The following SYNGR4 variants were observed in gnomAD, a reference collection of about 807,000 sequenced individuals.
SYNGR4 encodes the protein synaptogyrin 4.
In SYNGR4, 15 loss-of-function variants were observed where a neutral mutation model predicts 15.5. That is an observed-to-expected ratio of 0.97 (90% confidence interval 0.65 to 1.49). The LOEUF is 1.49. Ranked by LOEUF, SYNGR4 falls within the 40% of genes most tolerant of loss-of-function variation. SYNGR4 has a pLI of 0.00. For missense variants in SYNGR4, 292 were observed against 299.3 expected, an observed-to-expected ratio of 0.98 and a Z score of 0.18; for synonymous variants, 121 against 127.4, an observed-to-expected ratio of 0.95 and a Z score of 0.34.
intron 2 of SYNGR4, among the ~76,000 whole-genome samples, chr19:48,368,733 T>C (rs1055044251): frequency 6.6e-6 from 1 of 152,160 alleles, no homozygotes; most frequent in Non-Finnish European, 1.5e-5. Flanking sequence ...GGAGAGGGCC[T>C]AGGATGATTG....
Position 48,376,357 on chromosome 19 carries a change from C to T in SYNGR4, c.*39C>T. On this transcript the variant is annotated 3_prime_UTR_variant, in exon 5 of 5. Transcript: ENST00000344846. ...AATCAATAAAGAGAGAATCCTCCCT[C>T]CAGAAGGGTTTCTAAAAACAGCCCT... is the stretch of plus-strand genomic sequence containing the variant. The T allele has an allele frequency of 6.3e-7, 1 of 1,597,554 alleles. No homozygotes were observed. The highest frequency in any genetic ancestry group is 8.5e-7 in the Non-Finnish European group (1 of 1,173,436).
chr19:48,376,094 G>T lies in SYNGR4; in HGVS notation c.481G>T (p.Ala161Ser). 1 of 1,614,054 alleles carries T rather than the reference G, an allele frequency of 6.2e-7. No homozygotes were observed. The change falls in exon 5 of 5, where the codon GCC becomes TCC. Residue 161 changes from alanine to serine, a missense_variant. By Grantham distance (99) the Ala-to-Ser change is moderately conservative. Transcript: ENST00000344846. The stretch of plus-strand genomic sequence containing the variant: ...GCTTTTCTGCCCACAGATATTCCAG[G>T]CCTACCTGGCATTCCAGGACCTCCG... ...FFSILVWIFQ[A>S]YLAFQDLRND...
chr19:48,366,169 T>A (rs1270197543), intron 2 of SYNGR4, among the ~76,000 whole-genome samples: 1 of 152,174 alleles, frequency 6.6e-6, no homozygotes, highest in Non-Finnish European at 1.5e-5. Context: ...GTGCTGCAAG[T>A]CCCATCTCTG....
chr19:48,365,989 C>T, intron 2 of SYNGR4, 54 bp downstream of exon 2: 3 of 1,578,840 alleles, frequency 1.9e-6, no homozygotes, highest in Non-Finnish European at 2.6e-6. Flanking sequence ...GCCAGGAGCT[C>T]TCAACTCCCA....
Position 48,376,160 on chromosome 19 carries a change from G to A in SYNGR4, c.547G>A (p.Gly183Ser). 1 of 1,614,072 alleles carries A rather than the reference G, an allele frequency of 6.2e-7. No individual in the cohort carries two copies. Among genetic ancestry groups the A allele is most frequent in the Non-Finnish European group, 8.5e-7 (1 of 1,180,008 alleles). ...PVPYKRFLDE[G>S]GMVLTTLPLP... is the part of the protein sequence containing the mutation. ...CCCTTACAAGCGCTTCCTGGATGAG[G>A]GTGGCATGGTGCTGACCACCCTCCC... The change falls in exon 5 of 5, where the codon GGT becomes AGT. Residue 183 changes from glycine (G) to serine (S), a missense_variant. By Grantham distance (56) the Gly-to-Ser change is moderately conservative (BLOSUM62 0). Transcript: ENST00000344846.
In SYNGR4 at chr19:48,376,199, A is replaced by G; in HGVS notation, c.586A>G (p.Asn196Asp). The G allele has an allele frequency of 6.2e-7, 1 of 1,614,138 alleles. No homozygotes were observed. The highest frequency in any genetic ancestry group is 1.1e-5 in the South Asian group (1 of 91,086). The change falls in exon 5 of 5, where the codon AAC becomes GAC. Residue 196 changes from asparagine to aspartate, a missense_variant. Physicochemically the swap from Asn to Asp is conservative, Grantham distance 23. Coordinates refer to ENST00000344846, the MANE Select transcript of SYNGR4 (RefSeq NM_012451.4). ...VLTTLPLPSA[N>D]SPVNMPTTGP... ...GACCACCCTCCCCTTGCCCTCTGCC[A>G]ACAGCCCTGTGAACATGCCCACCAC... is the stretch of plus-strand genomic sequence containing the variant.
intron 1 of SYNGR4, among the ~76,000 whole-genome samples, chr19:48,364,883 G>T (rs1282851720): frequency 1.3e-5 from 2 of 151,814 alleles, no homozygotes; most frequent in African/African-American, 4.8e-5. Context: ...CAGCTCCTGG[G>T]TCACAAGACG....
At chr19:48,373,424 CTG>C (rs972198081) in intron 2 of SYNGR4, 91 bp from the exon 3 acceptor site, 5 of 1,067,448 alleles carry the variant, frequency 4.7e-6, no homozygotes, top group Non-Finnish European at 7.1e-6. Context: ...GGACCAGTGA[CTG>C]GGTATACGGA....
In SYNGR4 at chr19:48,376,048, C is replaced by A. The variant is rs372615862; in HGVS notation, c.472-37C>A. The A allele has an allele frequency of 3.7e-6, 6 of 1,613,956 alleles. No individual in the cohort carries two copies. In the East Asian group the frequency reaches 1.3e-4, roughly 36 times the overall value. On this transcript the variant is annotated intron_variant, in intron 4 of 4. Coordinates refer to ENST00000344846, the MANE Select transcript of SYNGR4 (RefSeq NM_012451.4). ...CAGTCCCTCTCCTGACCTGCCCAGC[C>A]CAAGTCAGCCTTCAGCACGCGCTTT...
intron 3 of SYNGR4, among the ~76,000 whole-genome samples, chr19:48,374,032 C>T (rs1033792451): frequency 6.6e-6 from 1 of 151,946 alleles, no homozygotes; most frequent in African/African-American, 2.4e-5. Context: ...CCTTCTGCCC[C>T]GTGCCTTCTT....
chr19:48,373,567 C>T lies in SYNGR4; in HGVS notation c.144C>T (p.Asn48=), dbSNP rs2147409307. Residue 48 remains asparagine, a synonymous_variant, in exon 3 of 5, where the codon AAC becomes AAT. Coordinates refer to ENST00000344846, the MANE Select transcript of SYNGR4 (RefSeq NM_012451.4). ...FSSLLTDGYQ[N]KMESPQLHCI... is the part of the protein sequence containing the mutation. ...CCCTGCTGACCGACGGCTACCAGAA[C>T]AAGATGGAGTCTCCGCAGCTCCACT... The T allele has an allele frequency of 6.2e-7, 1 of 1,613,884 alleles. No individual in the cohort carries two copies. The highest frequency in any genetic ancestry group is 8.5e-7 in the Non-Finnish European group (1 of 1,180,024).
intron 2 of SYNGR4, among the ~76,000 whole-genome samples, chr19:48,370,919 G>A (rs944660598): frequency 6.6e-6 from 1 of 152,156 alleles, no homozygotes; most frequent in African/African-American, 2.4e-5. Flanking sequence ...TTGGCCTCTT[G>A]TCTTGCCCAC....
intron 2 of SYNGR4, among the ~76,000 whole-genome samples, chr19:48,370,307 A>G (rs113193953): frequency 0.043 from 6,482 of 152,166 alleles, 473 homozygotes; most frequent in African/African-American, 0.15. Flanking sequence ...GCAACATAGC[A>G]ATACCGTCTC....
intron 2 of SYNGR4, among the ~76,000 whole-genome samples, chr19:48,371,767 G>A (rs1970311740): frequency 6.6e-6 from 1 of 151,366 alleles, no homozygotes. Flanking sequence ...AAGAAGTTTT[G>A]GTAGATACTA....
chr19:48,372,272 C>T (rs1018498760), intron 2 of SYNGR4, among the ~76,000 whole-genome samples: 1 of 152,050 alleles, frequency 6.6e-6, no homozygotes, highest in African/African-American at 2.4e-5. Flanking sequence ...GAGTAGTGCC[C>T]GTGTCCTAGG....
At chr19:48,372,828 C>A (rs1357112364) in intron 2 of SYNGR4, among the ~76,000 whole-genome samples, 2 of 152,180 alleles carry the variant, frequency 1.3e-5, no homozygotes, top group East Asian at 1.9e-4. Flanking sequence ...GACTATCTTG[C>A]AAATGAACCT....
intron 2 of SYNGR4, among the ~76,000 whole-genome samples, chr19:48,366,924 C>T (rs1017189307): frequency 2.6e-5 from 4 of 152,024 alleles, no homozygotes; most frequent in African/African-American, 4.8e-5. Flanking sequence ...TAGGCCAAGG[C>T]AGGCAGATCA....
chr19:48,367,781 G>A (rs562765048), intron 2 of SYNGR4, among the ~76,000 whole-genome samples: 1 of 152,326 alleles, frequency 6.6e-6, no homozygotes, highest in South Asian at 2.1e-4. Flanking sequence ...AGACTTTGCT[G>A]TGTGATCTTG....
chr19:48,371,345 C>T (rs898743703), intron 2 of SYNGR4, among the ~76,000 whole-genome samples: 1 of 148,534 alleles, frequency 6.7e-6, no homozygotes, highest in African/African-American at 2.5e-5. Context: ...AGCCTCCTCC[C>T]CACCACCCCA....
Sources: gnomAD v4.1 joint callset for allele counts (sites outside exome capture counted in the v4.1 genomes callset) on GRCh38, gnomAD v4.1.1 for gene constraint, MANE v1.5 for transcripts, NCBI Gene and HGNC (gene_info 2026-07-23, HGNC 2026-07-21) for gene names.